The following ZNF804B variants were observed in gnomAD, a reference collection of about 807,000 sequenced individuals.
ZNF804B encodes zinc finger 804B.
Under a neutral mutation model 101.4 loss-of-function variants are expected in ZNF804B, and 80 were observed. That is an observed-to-expected ratio of 0.79 (90% CI 0.66 to 0.95). ZNF804B has a LOEUF of 0.95. Ranked by LOEUF, ZNF804B falls within the 40% of genes least tolerant of loss-of-function variation. ZNF804B has a pLI of 0.00. For synonymous variants in ZNF804B, 622 were observed against 558.8 expected, an observed-to-expected ratio of 1.11 and a Z score of -1.59; for missense variants, 1,673 against 1,561.9, an observed-to-expected ratio of 1.07 and a Z score of -1.20.
intron 1 of ZNF804B, among the ~76,000 whole-genome samples, chr7:89,023,907 A>C (rs536117710): frequency 6.6e-6 from 1 of 152,282 alleles, no homozygotes; most frequent in East Asian, 1.9e-4. Flanking sequence ...TTTTAAACTG[A>C]TAATAAATTA....
At chr7:89,148,714 T>G (rs767268023) in intron 1 of ZNF804B, among the ~76,000 whole-genome samples, 4 of 151,968 alleles carry the variant, frequency 2.6e-5, no homozygotes, top group Non-Finnish European at 5.9e-5. Flanking sequence ...GTGAACAGAA[T>G]TTTTAAAAAT....
chr7:88,811,493 A>G (rs755960031), intron 1 of ZNF804B, among the ~76,000 whole-genome samples: 4 of 152,238 alleles, frequency 2.6e-5, no homozygotes, highest in Non-Finnish European at 2.9e-5. Flanking sequence ...AAAGGACTAT[A>G]AAACATTCTA....
chr7:89,051,909 C>T (rs1789211511), intron 1 of ZNF804B, among the ~76,000 whole-genome samples: 1 of 152,072 alleles, frequency 6.6e-6, no homozygotes, highest in African/African-American at 2.4e-5. Flanking sequence ...AATACCAAGA[C>T]CTCCCTCACT....
chr7:89,069,221 A>G (rs1159354046), intron 1 of ZNF804B, among the ~76,000 whole-genome samples: 2 of 152,168 alleles, frequency 1.3e-5, no homozygotes, highest in Admixed American at 6.6e-5. Context: ...ATGGCAAGAG[A>G]AATCTCTTAT....
intron 1 of ZNF804B, among the ~76,000 whole-genome samples, chr7:88,782,694 A>G (rs1378941605): frequency 6.6e-6 from 1 of 152,136 alleles, no homozygotes; most frequent in Non-Finnish European, 1.5e-5. Flanking sequence ...TGCAACCATC[A>G]CTTGGTTAAT....
At chr7:89,316,440 A>T (rs1202872582) in intron 2 of ZNF804B, among the ~76,000 whole-genome samples, 1 of 152,112 alleles carries the variant, frequency 6.6e-6, no homozygotes, top group Non-Finnish European at 1.5e-5. Context: ...CATAATATCA[A>T]ATATACCCGG....
At chr7:88,995,790 A>T (rs1788185243) in intron 1 of ZNF804B, among the ~76,000 whole-genome samples, 1 of 152,044 alleles carries the variant, frequency 6.6e-6, no homozygotes, top group Non-Finnish European at 1.5e-5. Flanking sequence ...GTGATAAATT[A>T]TGTCTATAAT....
chr7:89,285,392 G>A (rs560968744), intron 2 of ZNF804B, among the ~76,000 whole-genome samples: 5 of 151,214 alleles, frequency 3.3e-5, no homozygotes, highest in South Asian at 2.1e-4. Context: ...GCATGGTGGC[G>A]GGTGCCTGTA....
At chr7:89,227,460 T>C (rs903030431) in intron 2 of ZNF804B, among the ~76,000 whole-genome samples, 3 of 152,116 alleles carry the variant, frequency 2.0e-5, no homozygotes, top group Non-Finnish European at 4.4e-5. Flanking sequence ...ATCATCTCCA[T>C]CCTCATGGAG....
At chr7:88,760,123 C>G in intron 1 of ZNF804B, 39 bp downstream of exon 1, 2 of 1,528,042 alleles carry the variant, frequency 1.3e-6, no homozygotes, top group Non-Finnish European at 9.1e-7. Context: ...CACAAACGTT[C>G]CAACTCAACA....
At chr7:88,816,367 T>C (rs142928427) in intron 1 of ZNF804B, among the ~76,000 whole-genome samples, 81 of 151,972 alleles carry the variant, frequency 5.3e-4, no homozygotes, top group African/African-American at 1.4e-3. Context: ...GCAACAAAAG[T>C]CAAAATTGAC....
chr7:88,789,586 T>C (rs17164370), intron 1 of ZNF804B, among the ~76,000 whole-genome samples: 9,234 of 152,174 alleles, frequency 0.061, 402 homozygotes, highest in South Asian at 0.18. Flanking sequence ...TTAAAATCTA[T>C]GCACTGTTTT....
At chr7:89,112,164 T>C (rs1790227657) in intron 1 of ZNF804B, among the ~76,000 whole-genome samples, 1 of 150,910 alleles carries the variant, frequency 6.6e-6, no homozygotes, top group East Asian at 2.0e-4. Flanking sequence ...CATTTTACAA[T>C]GGACAGACTA....
intron 1 of ZNF804B, among the ~76,000 whole-genome samples, chr7:89,114,402 G>T (rs1395978461): frequency 2.0e-5 from 3 of 152,120 alleles, no homozygotes. Flanking sequence ...CAATTCACCA[G>T]GCTCTTTGTC....
chr7:89,183,431 G>T (rs1467528007), intron 1 of ZNF804B, among the ~76,000 whole-genome samples: 1 of 151,932 alleles, frequency 6.6e-6, no homozygotes, highest in African/African-American at 2.4e-5. Context: ...AATCGAATTT[G>T]GTCTGTTCAT....
Position 89,335,360 on chromosome 7 carries a change from A to G in ZNF804B, c.2378A>G (p.Asn793Ser), listed in dbSNP as rs1045034928. Reference protein sequence around the residue: ...RNCKLWESFKNEKYSKRRYCH... With the variant: ...RNCKLWESFKSEKYSKRRYCH... ...TGCAAATTGTGGGAATCATTTAAAA[A>G]TGAAAAATACTCAAAACGTAGATAT... Residue 793 changes from asparagine (N) to serine (S), a missense_variant, in exon 4 of 4, where the codon AAT becomes AGT. Physicochemically the swap from Asn to Ser is conservative, Grantham distance 46 (BLOSUM62 1). Coordinates refer to ENST00000333190, the MANE Select transcript of ZNF804B (RefSeq NM_181646.5). The G allele has an allele frequency of 2.5e-6, 4 of 1,613,766 alleles. No homozygotes were observed. The highest frequency in any genetic ancestry group is 3.4e-6 in the Non-Finnish European group (4 of 1,179,952).
At chr7:89,002,003 G>A (rs553623947) in intron 1 of ZNF804B, among the ~76,000 whole-genome samples, 1 of 151,492 alleles carries the variant, frequency 6.6e-6, no homozygotes, top group Non-Finnish European at 1.5e-5. Flanking sequence ...ACCCTTAGAT[G>A]TTGAAACAAT....
intron 2 of ZNF804B, among the ~76,000 whole-genome samples, chr7:89,313,974 G>A (rs1790682208): frequency 6.6e-6 from 1 of 151,922 alleles, no homozygotes; most frequent in Admixed American, 6.6e-5. Flanking sequence ...TTAGATGCTT[G>A]GACATGTCTT....
At chr7:89,108,463 G>A (rs1790167833) in intron 1 of ZNF804B, among the ~76,000 whole-genome samples, 1 of 152,018 alleles carries the variant, frequency 6.6e-6, no homozygotes, top group Non-Finnish European at 1.5e-5. Context: ...TTATAGAATA[G>A]TTTTCAGACC....
Sources: allele counts gnomAD v4.1 joint callset (sites outside exome capture counted in the v4.1 genomes callset), GRCh38; gene constraint gnomAD v4.1.1; transcripts MANE v1.5; gene names NCBI Gene and HGNC (gene_info 2026-07-23, HGNC 2026-07-21).